LINGO2: variants seen among roughly 807,000 people sequenced by gnomAD.
The protein encoded by LINGO2 is leucine-rich repeat and immunoglobulin-like domain-containing nogo receptor-interacting protein 2.
In LINGO2, 14 loss-of-function variants were observed where a neutral mutation model predicts 30.6. The ratio of observed to expected loss-of-function variants is 0.46; its 90% CI spans 0.30 to 0.72. The LOEUF (loss-of-function observed/expected upper bound fraction) is 0.72, where lower values mean the gene tolerates loss of function less well. Among genes scored for constraint, LINGO2 ranks in the 30% least tolerant of loss-of-function variants. LINGO2 has a pLI of 0.07. For synonymous variants in LINGO2, 317 were observed against 288.5 expected (o/e 1.10, Z -1.00); for missense variants, 729 against 751.7 (o/e 0.97, Z 0.35).
At chr9:28,089,999 C>T (rs1826029625) in intron 4 of LINGO2, among the ~76,000 whole-genome samples, 2 of 152,070 alleles carry the variant, frequency 1.3e-5, no homozygotes, top group Admixed American at 6.6e-5. Flanking sequence ...ATACACCTTC[C>T]AAGACTAAAC....
In LINGO2 at chr9:28,504,178, A is replaced by G. The variant is rs189487999; in HGVS notation, c.-364-28153T>C. 8.5e-4 allele frequency among the ~76,000 whole-genome samples: 130 copies of G among 152,078 alleles called. 1 individual carries two copies. Among genetic ancestry groups the G allele is most frequent in the South Asian group, 5.0e-3 (24 of 4,830 alleles). The stretch of plus-strand genomic sequence containing the variant: ...ATTCCTCAACTTCAAAAAGCTAAGA[A>G]AATGTTATAAATAAAATAATGCAAA... On this transcript the variant is annotated intron_variant, in intron 1 of 5. Transcript: ENST00000379992.
rs73644075 is a variant in LINGO2 at position 28,577,344 on chromosome 9, G to A, written c.-365+92856C>T. Among the ~76,000 whole-genome samples the A allele has an allele frequency of 9.8e-3, 1,491 of 152,110 alleles. 24 individuals carry two copies. Among genetic ancestry groups the A allele is most frequent in the African/African-American group, 0.032 (1,317 of 41,476 alleles). On this transcript the variant is annotated intron_variant, in intron 1 of 5. Coordinates refer to ENST00000379992, the Ensembl canonical transcript of LINGO2. ...CTGAAACCAGATGACTTCACTGGAT[G>A]ACTCCACTGAGACCCAAGACTCAAG... is the stretch of plus-strand genomic sequence containing the variant.
At chr9:28,711,144 T>C in the LINGO2 span, among the ~76,000 whole-genome samples, 1 of 152,122 alleles carries the variant, frequency 6.6e-6, no homozygotes. Flanking sequence ...ATTTATTAAG[T>C]GCTTAATGTA....
the LINGO2 span, among the ~76,000 whole-genome samples, chr9:29,134,734 A>G: frequency 6.6e-6 from 1 of 152,058 alleles, no homozygotes; most frequent in Non-Finnish European, 1.5e-5. Context: ...AAAGGTACTC[A>G]ATCTATAAAA....
the LINGO2 span, among the ~76,000 whole-genome samples, chr9:29,055,940 G>GTATATATA: frequency 1.4e-3 from 172 of 119,984 alleles, 5 homozygotes; most frequent in African/African-American, 4.4e-3. Context: ...ATGTGTGTGT[G>GTATATATA]TATATATACA....
At chr9:28,676,260 AG>A in the LINGO2 span, among the ~76,000 whole-genome samples, 1 of 152,032 alleles carries the variant, frequency 6.6e-6, no homozygotes, top group Non-Finnish European at 1.5e-5. Context: ...ACAGCAAATT[AG>A]CTATACCATT....
chr9:28,211,894 C>T (rs13293131), intron 4 of LINGO2, among the ~76,000 whole-genome samples: 15,319 of 151,030 alleles, frequency 0.1, 868 homozygotes, highest in Middle Eastern at 0.15. Context: ...TTTAAAGGTC[C>T]AGGTTAGTAT....
At chr9:28,579,518 T>C (rs1004003588) in intron 1 of LINGO2, among the ~76,000 whole-genome samples, 5 of 151,986 alleles carry the variant, frequency 3.3e-5, no homozygotes, top group African/African-American at 1.2e-4. Context: ...GTGATGGAAG[T>C]AGGGTGGAAG....
intron 4 of LINGO2, among the ~76,000 whole-genome samples, chr9:28,226,642 G>GAAAGAAAGAAA (rs1554690199): frequency 1.3e-4 from 7 of 53,230 alleles, no homozygotes; most frequent in Non-Finnish European, 2.3e-4. Context: ...AAGGAAAGAA[G>GAAAGAAAGAAA]GAAAGAAAGA....
At chr9:28,052,277 C>T (rs1399678733) in intron 4 of LINGO2, among the ~76,000 whole-genome samples, 1 of 152,060 alleles carries the variant, frequency 6.6e-6, no homozygotes, top group Non-Finnish European at 1.5e-5. Flanking sequence ...TGAAAACTAG[C>T]CGTGAGAATG....
At chr9:28,998,654 T>C in the LINGO2 span, among the ~76,000 whole-genome samples, 1 of 151,908 alleles carries the variant, frequency 6.6e-6, no homozygotes, top group Admixed American at 6.6e-5. Flanking sequence ...ACTTTCCTAG[T>C]CAAGGTTAAG....
chr9:28,959,610 C>CTCTCTCTCTCTCT, the LINGO2 span, among the ~76,000 whole-genome samples: 543 of 141,668 alleles, frequency 3.8e-3, 5 homozygotes, highest in African/African-American at 0.014. Context: ...TCTCTCTCTC[C>CTCTCTCTCTCTCT]CTCACACACA....
chr9:28,469,463 C>G (rs1464615603), intron 2 of LINGO2, among the ~76,000 whole-genome samples: 1 of 151,998 alleles, frequency 6.6e-6, no homozygotes, highest in East Asian at 1.9e-4. Flanking sequence ...TCTATAAGCC[C>G]AAGAAGCTCA....
chr9:28,145,878 C>T (rs1385926353), intron 4 of LINGO2, among the ~76,000 whole-genome samples: 1 of 152,110 alleles, frequency 6.6e-6, no homozygotes, highest in East Asian at 1.9e-4. Flanking sequence ...ATTACTTGAT[C>T]GAAATTCTTC....
intron 1 of LINGO2, among the ~76,000 whole-genome samples, chr9:28,579,358 C>T (rs1051770554): frequency 3.3e-5 from 5 of 152,008 alleles, no homozygotes; most frequent in East Asian, 1.9e-4. Flanking sequence ...AAAGTACATC[C>T]ATTTTTTATT....
intron 4 of LINGO2, among the ~76,000 whole-genome samples, chr9:28,144,520 G>T (rs1001703297): frequency 6.6e-6 from 1 of 152,184 alleles, no homozygotes; most frequent in Non-Finnish European, 1.5e-5. Context: ...CATAATTCCA[G>T]GGTTAAGAGT....
In LINGO2 at chr9:28,478,790, C is replaced by T. The variant is rs182353281; in HGVS notation, c.-364-2765G>A. On this transcript the variant is annotated intron_variant, in intron 1 of 5. Transcript: ENST00000379992. ...GTCAATAATTCTGAATAAAGATTGT[C>T]CTTGCCTTGAAGATAAGTGTGCACC... Among the ~76,000 whole-genome samples, 6 of 152,116 alleles carry T rather than the reference C, an allele frequency of 3.9e-5. No individual in the cohort carries two copies. The East Asian group carries it at 9.7e-4, about 25-fold the overall frequency.
At chr9:28,434,818 A>G (rs761091100) in intron 2 of LINGO2, among the ~76,000 whole-genome samples, 19 of 152,036 alleles carry the variant, frequency 1.2e-4, no homozygotes, top group Non-Finnish European at 2.5e-4. Context: ...ATTCTTATCT[A>G]TTGTTTTTAA....
At chr9:28,668,402 T>A (rs1828882963) in intron 1 of LINGO2, among the ~76,000 whole-genome samples, 2 of 152,124 alleles carry the variant, frequency 1.3e-5, no homozygotes, top group Admixed American at 1.3e-4. Context: ...TGCCTTAAAC[T>A]TCGGTTAAAA....
Sources: allele counts gnomAD v4.1 joint callset (sites outside exome capture counted in the v4.1 genomes callset), GRCh38; gene constraint gnomAD v4.1.1; transcripts MANE v1.5; gene names NCBI Gene and HGNC (gene_info 2026-07-23, HGNC 2026-07-21).